LDLRAD4: variants seen among roughly 807,000 people sequenced by gnomAD.
LDLRAD4 encodes low-density lipoprotein receptor class A domain-containing protein 4.
Under a neutral mutation model 17.0 loss-of-function variants are expected in LDLRAD4, and 5 were observed. That is an observed-to-expected ratio of 0.29 (90% CI 0.15 to 0.62). The LOEUF (loss-of-function observed/expected upper bound fraction) is 0.62, where lower values mean the gene tolerates loss of function less well. Among genes scored for constraint, LDLRAD4 ranks in the 20% least tolerant of loss-of-function variants. The pLI, the probability that LDLRAD4 is intolerant of heterozygous loss-of-function variation, is 0.84. For synonymous variants in LDLRAD4, 168 were observed against 171.8 expected (o/e 0.98, Z 0.17); for missense variants, 340 against 424.7 (o/e 0.80, Z 1.75).
At position 13,606,580 on chromosome 18, in the gene LDLRAD4, C is replaced by T. The variant is rs114952715; in HGVS notation, c.182-14537C>T. On this transcript the variant is annotated intron_variant, in intron 3 of 5. Coordinates refer to ENST00000359446, the Ensembl canonical transcript of LDLRAD4. The stretch of plus-strand genomic sequence containing the variant: ...TCTACATAAAGCTGTCTCTGTGCTG[C>T]GTTTTTCTAAGTTCCAAGGATACGC... Among the ~76,000 whole-genome samples, 933 of 152,270 alleles carry T rather than the reference C, an allele frequency of 6.1e-3. 7 individuals carry two copies. The highest frequency in any genetic ancestry group is 0.022 in the African/African-American group (907 of 41,542).
Position 13,641,345 on chromosome 18 carries a change from T to C in LDLRAD4, c.337-2014T>C, listed in dbSNP as rs1252687550. Among the ~76,000 whole-genome samples, 5 of 152,194 alleles carry C rather than the reference T, an allele frequency of 3.3e-5. No individual in the cohort carries two copies. In the East Asian group the frequency reaches 9.6e-4, roughly 29 times the overall value. On this transcript the variant is annotated intron_variant, in intron 4 of 5. Transcript: ENST00000359446. Reference sequence around the variant, plus strand: ...CAGATATTTAGATAGATAGCCTAGATTGCTTGATGAATGGATAAGTTGGAT... The same window carrying C: ...CAGATATTTAGATAGATAGCCTAGACTGCTTGATGAATGGATAAGTTGGAT...
chr18:13,296,038 C>A (rs2046253653), intron 1 of LDLRAD4, among the ~76,000 whole-genome samples: 1 of 152,244 alleles, frequency 6.6e-6, no homozygotes. Flanking sequence ...AGGGTGGAGG[C>A]AGGAGCAGAA....
intron 1 of LDLRAD4, among the ~76,000 whole-genome samples, chr18:13,305,837 TTG>T (rs2046879620): frequency 9.9e-5 from 15 of 152,230 alleles, no homozygotes; most frequent in Admixed American, 9.2e-4. Flanking sequence ...GTATCTTGTA[TTG>T]AAAATGCAGC....
chr18:13,461,796 G>A (rs560491215), intron 3 of LDLRAD4, among the ~76,000 whole-genome samples: 1 of 152,306 alleles, frequency 6.6e-6, no homozygotes, highest in South Asian at 2.1e-4. Flanking sequence ...CCAATCAGAG[G>A]CTAAAGTGAA....
intron 3 of LDLRAD4, among the ~76,000 whole-genome samples, chr18:13,585,717 C>T (rs1044019198): frequency 6.6e-6 from 1 of 152,180 alleles, no homozygotes; most frequent in African/African-American, 2.4e-5. Context: ...AATGTAAGCA[C>T]AATTGCTACA....
At chr18:13,237,132 GCT>G (rs1385432894) in intron 1 of LDLRAD4, among the ~76,000 whole-genome samples, 7 of 152,250 alleles carry the variant, frequency 4.6e-5, no homozygotes, top group Admixed American at 1.3e-4. Flanking sequence ...AGGCCAGCTT[GCT>G]CTTGTTCTGG....
At chr18:13,427,323 C>CTT (rs1430179077) in intron 2 of LDLRAD4, 1 of 152,626 alleles carries the variant, frequency 6.6e-6, no homozygotes, top group Admixed American at 6.5e-5. Flanking sequence ...AAGCTCAAGG[C>CTT]AAGAAAGTCA....
chr18:13,302,569 G>A (rs1444396882), intron 1 of LDLRAD4, among the ~76,000 whole-genome samples: 2 of 152,204 alleles, frequency 1.3e-5, no homozygotes, highest in South Asian at 2.1e-4. Context: ...ACTTACTGAT[G>A]TGCATGGAGG....
chr18:13,364,093 A>G (rs2083885294), intron 1 of LDLRAD4, among the ~76,000 whole-genome samples: 1 of 152,226 alleles, frequency 6.6e-6, no homozygotes, highest in Admixed American at 6.5e-5. Flanking sequence ...GTTTTAATAT[A>G]TATTAAGTGA....
chr18:13,262,315 T>TGC (rs2043898498), intron 1 of LDLRAD4, among the ~76,000 whole-genome samples: 1 of 134,528 alleles, frequency 7.4e-6, no homozygotes, highest in African/African-American at 3.2e-5. Flanking sequence ...GCTCTGTGTG[T>TGC]GTGGAAACTG....
At chr18:13,350,542 A>T (rs577532726) in intron 1 of LDLRAD4, among the ~76,000 whole-genome samples, 27 of 152,140 alleles carry the variant, frequency 1.8e-4, no homozygotes, top group African/African-American at 5.1e-4. Context: ...TGGATATTAG[A>T]TGGGTAGATT....
chr18:13,338,372 C>T (rs1360098439), intron 1 of LDLRAD4, among the ~76,000 whole-genome samples: 1 of 151,788 alleles, frequency 6.6e-6, no homozygotes, highest in African/African-American at 2.4e-5. Flanking sequence ...TCCAGGTTCC[C>T]AAGTTGCTAG....
chr18:13,478,279 G>A (rs1014079464), intron 3 of LDLRAD4, among the ~76,000 whole-genome samples: 2 of 152,134 alleles, frequency 1.3e-5, no homozygotes, highest in African/African-American at 2.4e-5. Context: ...TAACGGAATC[G>A]CCAGGTGATG....
chr18:13,436,578 T>C (rs1203023009), intron 2 of LDLRAD4, among the ~76,000 whole-genome samples: 1 of 152,258 alleles, frequency 6.6e-6, no homozygotes, highest in African/African-American at 2.4e-5. Context: ...CTTTTCATGT[T>C]TGGTATAAAT....
chr18:13,285,608 G>A (rs2045576737), intron 1 of LDLRAD4, among the ~76,000 whole-genome samples: 2 of 152,186 alleles, frequency 1.3e-5, no homozygotes, highest in African/African-American at 4.8e-5. Context: ...AGAGGGTTCC[G>A]CTGTGCACAA....
At chr18:13,371,775 G>A (rs544793374) in intron 1 of LDLRAD4, among the ~76,000 whole-genome samples, 1 of 152,106 alleles carries the variant, frequency 6.6e-6, no homozygotes, top group African/African-American at 2.4e-5. Context: ...AAAAGAGAGA[G>A]AGAGAGAAAG....
intron 3 of LDLRAD4, among the ~76,000 whole-genome samples, chr18:13,506,463 A>G (rs1394984689): frequency 6.3e-5 from 9 of 143,502 alleles, no homozygotes; most frequent in African/African-American, 2.3e-4. Context: ...CTGCACTTTT[A>G]ACTTTGTTGG....
chr18:13,384,032 G>T (rs916002078), intron 1 of LDLRAD4, among the ~76,000 whole-genome samples: 2 of 152,172 alleles, frequency 1.3e-5, no homozygotes, highest in African/African-American at 2.4e-5. Context: ...CCCTGCTTTT[G>T]TTGGGAACCG....
At chr18:13,322,208 G>A (rs1292902070) in intron 1 of LDLRAD4, among the ~76,000 whole-genome samples, 1 of 150,680 alleles carries the variant, frequency 6.6e-6, no homozygotes, top group African/African-American at 2.4e-5. Flanking sequence ...TTTTATGTAA[G>A]GACTTTTACT....
Sources: gnomAD v4.1 joint callset for allele counts (sites outside exome capture counted in the v4.1 genomes callset) on GRCh38, gnomAD v4.1.1 for gene constraint, MANE v1.5 for transcripts, NCBI Gene and HGNC (gene_info 2026-07-23, HGNC 2026-07-21) for gene names.